Variants in ZNF71 observed in about 807,000 individuals in gnomAD.
The protein encoded by ZNF71 is endothelial zinc finger protein induced by tumor necrosis factor alpha.
Under a neutral mutation model 6.7 loss-of-function variants are expected in ZNF71, and 3 were observed. The ratio of observed to expected loss-of-function variants is 0.45; its 90% CI spans 0.20 to 1.16. The LOEUF (loss-of-function observed/expected upper bound fraction) is 1.16, where lower values mean the gene tolerates loss of function less well. Among genes scored for constraint, ZNF71 ranks in the 50% most tolerant of loss-of-function variants. The pLI is 0.25. For synonymous variants in ZNF71, 343 were observed against 311.1 expected, an observed-to-expected ratio of 1.10 and a Z score of -1.08; for missense variants, 688 against 728.6, an observed-to-expected ratio of 0.94 and a Z score of 0.64.
rs1568509734 is a variant in ZNF71 at position 56,621,577 on chromosome 19, C to T, written c.470C>T (p.Thr157Ile). Residue 157 changes from threonine (T) to isoleucine (I), a missense_variant, in exon 4 of 4, where the codon ACA becomes ATA. Transcript: ENST00000599599. ...GTCCCACCACGGCTGGACGACCCCA[C>T]AGAAAAGGGGGCCTGTCCACCCGTA... is the stretch of plus-strand genomic sequence containing the variant. ...VLVPPRLDDP[T>I]EKGACPPVRR... 6.2e-7 allele frequency: 1 copy of T among 1,614,086 alleles called. No individual in the cohort carries two copies. Among genetic ancestry groups the T allele is most frequent in the Non-Finnish European group, 8.5e-7 (1 of 1,180,038 alleles).
chr19:56,596,541 C>T (rs531943343), intron 1 of ZNF71, among the ~76,000 whole-genome samples: 5 of 152,252 alleles, frequency 3.3e-5, no homozygotes, highest in African/African-American at 7.2e-5. Context: ...TTCTGCCTCC[C>T]ACAGGATCTT....
At chr19:56,599,843 G>A (rs1242725174) in intron 1 of ZNF71, among the ~76,000 whole-genome samples, 1 of 151,660 alleles carries the variant, frequency 6.6e-6, no homozygotes, top group Non-Finnish European at 1.5e-5. Flanking sequence ...ACAGGCACCT[G>A]CCACCACACC....
At chr19:56,610,617 A>C (rs1052852875) in intron 2 of ZNF71, 17 of 152,212 alleles carry the variant, frequency 1.1e-4, no homozygotes, top group African/African-American at 2.4e-5. Context: ...ATGTGTATTA[A>C]TATATCTGAA....
In ZNF71 at chr19:56,623,012, G is replaced by A; in HGVS notation, c.*255G>A. The A allele has an allele frequency of 1.8e-6, 1 of 551,802 alleles. No individual in the cohort carries two copies. The highest frequency in any genetic ancestry group is 3.3e-6 in the Non-Finnish European group (1 of 306,248). 34.2% of individuals were successfully genotyped at this position (551,802 alleles called of 1,614,324 possible). The stretch of plus-strand genomic sequence containing the variant: ...TCACTGTAGCTGAGCCATGGCCGCT[G>A]GTAACAGACATCAGGGTTCCAGACT... On this transcript the variant is annotated 3_prime_UTR_variant, in exon 4 of 4. Transcript: ENST00000599599.
intron 2 of ZNF71, among the ~76,000 whole-genome samples, chr19:56,612,468 T>G (rs1399845351): frequency 6.6e-6 from 1 of 152,190 alleles, no homozygotes; most frequent in Admixed American, 6.5e-5. Context: ...AATAATGTCT[T>G]TTACAGCAAC....
chr19:56,595,949 GTGTCCATGTA>G (rs2044619369), intron 1 of ZNF71, among the ~76,000 whole-genome samples: 1 of 150,864 alleles, frequency 6.6e-6, no homozygotes, highest in African/African-American at 2.4e-5. Context: ...GAATGTGAAT[GTGTCCATGTA>G]TGTCCGTGTG....
chr19:56,608,856 G>C (rs1220064539), intron 2 of ZNF71, among the ~76,000 whole-genome samples: 4 of 152,140 alleles, frequency 2.6e-5, no homozygotes, highest in Admixed American at 2.0e-4. Flanking sequence ...AGATAAAATG[G>C]TTATTTAGAA....
chr19:56,595,610 G>A (rs1205805000), intron 1 of ZNF71, among the ~76,000 whole-genome samples, 182 bp downstream of exon 1: 1 of 152,166 alleles, frequency 6.6e-6, no homozygotes, highest in African/African-American at 2.4e-5. Flanking sequence ...GGGCCAGGGA[G>A]GGAGAGGCGT....
In ZNF71 at chr19:56,622,923, C is replaced by T. The variant is rs73625146; in HGVS notation, c.*166C>T. The T allele has an allele frequency of 7.8e-3, 6,813 of 878,412 alleles. 356 individuals carry two copies. In the African/African-American group the frequency reaches 0.1, roughly 13 times the overall value. The allele number at this position is 878,412 out of a possible 1,614,324, so 54.4% of individuals were successfully genotyped here. A position where few individuals can be genotyped will look rare whatever the true frequency, so the allele number is the denominator to read the frequency against. ...GGGGCTGGCTGATCACACATGCCCC[C>T]TCCTTACTGAGCCTCAGAAAGCAAG... On this transcript the variant is annotated 3_prime_UTR_variant, in exon 4 of 4. Coordinates refer to ENST00000599599, the MANE Select transcript of ZNF71 (RefSeq NM_001370215.1).
intron 3 of ZNF71, among the ~76,000 whole-genome samples, chr19:56,619,301 C>T (rs2044824222): frequency 6.6e-6 from 1 of 152,086 alleles, no homozygotes; most frequent in South Asian, 2.1e-4. Flanking sequence ...ACCCTATCCC[C>T]ATTAAACACC....
intron 2 of ZNF71, among the ~76,000 whole-genome samples, chr19:56,606,967 T>G (rs1208383763): frequency 6.6e-6 from 1 of 152,158 alleles, no homozygotes; most frequent in East Asian, 1.9e-4. Flanking sequence ...TCAACAAGTC[T>G]ACCCACTTAC....
At chr19:56,605,077 T>C (rs1227082981) in intron 2 of ZNF71, among the ~76,000 whole-genome samples, 2 of 152,238 alleles carry the variant, frequency 1.3e-5, no homozygotes, top group Non-Finnish European at 2.9e-5. Context: ...ATTCATTTTC[T>C]TGGTAAATTG....
chr19:56,601,320 GT>G (rs1275900117), intron 1 of ZNF71, among the ~76,000 whole-genome samples, 186 bp from the exon 2 acceptor site: 1 of 151,990 alleles, frequency 6.6e-6, no homozygotes. Context: ...GGAAGATCAA[GT>G]GATATACATT....
rs1477460903 is a variant in ZNF71, at chr19:56,623,180, C to T, written c.*423C>T. 1.1e-5 allele frequency: 2 copies of T among 188,916 alleles called. No homozygotes were observed. Among genetic ancestry groups the T allele is most frequent in the Non-Finnish European group, 2.5e-5 (2 of 81,384 alleles). 11.7% of individuals were successfully genotyped at this position (188,916 alleles called of 1,614,324 possible). Reference sequence around the variant, plus strand: ...TCAGATACATCCTGGAGTCCAGATGCAGCTTGTCACCATCTGCATTTTCTC... The same window carrying T: ...TCAGATACATCCTGGAGTCCAGATGTAGCTTGTCACCATCTGCATTTTCTC... On this transcript the variant is annotated 3_prime_UTR_variant, in exon 4 of 4. Coordinates refer to ENST00000599599, the MANE Select transcript of ZNF71 (RefSeq NM_001370215.1).
intron 1 of ZNF71, among the ~76,000 whole-genome samples, chr19:56,600,741 C>T (rs1404193559): frequency 6.6e-6 from 1 of 152,150 alleles, no homozygotes; most frequent in Non-Finnish European, 1.5e-5. Flanking sequence ...TCCTGCTTTT[C>T]TTTTGTTTCA....
intron 2 of ZNF71, among the ~76,000 whole-genome samples, chr19:56,607,451 G>C (rs2044718500): frequency 1.3e-5 from 2 of 152,204 alleles, no homozygotes; most frequent in Admixed American, 1.3e-4. Flanking sequence ...CTAAGTGCCA[G>C]GCGCTGTTCT....
intron 3 of ZNF71, among the ~76,000 whole-genome samples, 196 bp downstream of exon 3, chr19:56,614,134 A>G (rs1413872005): frequency 1.3e-5 from 2 of 152,248 alleles, no homozygotes; most frequent in Non-Finnish European, 2.9e-5. Flanking sequence ...TCAAAGGGTC[A>G]TAATTATGTA....
chr19:56,605,928 G>A (rs971374870), intron 2 of ZNF71, among the ~76,000 whole-genome samples: 1 of 152,218 alleles, frequency 6.6e-6, no homozygotes, highest in African/African-American at 2.4e-5. Context: ...GCCATCTAAT[G>A]TTGGGGCTGA....
chr19:56,599,426 C>T (rs2044650006), intron 1 of ZNF71, among the ~76,000 whole-genome samples: 3 of 152,030 alleles, frequency 2.0e-5, no homozygotes, highest in African/African-American at 7.3e-5. Context: ...AGAAGGGAAA[C>T]AAACTTTAAA....
Sources: gnomAD v4.1 joint callset for allele counts (sites outside exome capture counted in the v4.1 genomes callset) on GRCh38, gnomAD v4.1.1 for gene constraint, MANE v1.5 for transcripts, NCBI Gene and HGNC (gene_info 2026-07-23, HGNC 2026-07-21) for gene names.